Variants in MED13L observed in about 807,000 individuals in gnomAD.
MED13L encodes the protein mediator of RNA polymerase II transcription subunit 13-like.
MED13L carries 7 observed loss-of-function variants against 220.9 expected under a neutral mutation model. That is an observed-to-expected ratio of 0.03 (90% CI 0.02 to 0.06). The LOEUF is 0.06. MED13L is among the 10% of genes least tolerant of loss of function. The pLI is 1.00. For synonymous variants in MED13L, 1,011 were observed against 1,015.2 expected (o/e 1.00, Z 0.08); for missense variants, 1,965 against 2,760.5 (o/e 0.71, Z 6.46).
chr12:116,004,678 C>T (rs923197572), intron 13 of MED13L, among the ~76,000 whole-genome samples: 1 of 147,864 alleles, frequency 6.8e-6, no homozygotes, highest in Non-Finnish European at 1.5e-5. Context: ...GCTCATTCCA[C>T]ACTTAAACTA....
At chr12:116,226,371 G>A (rs971316494) in intron 2 of MED13L, among the ~76,000 whole-genome samples, 2 of 152,042 alleles carry the variant, frequency 1.3e-5, no homozygotes. Flanking sequence ...TATCAACGTC[G>A]GGTTTATAAC....
At chr12:116,024,898 T>C (rs1416438852) in intron 4 of MED13L, among the ~76,000 whole-genome samples, 1 of 152,032 alleles carries the variant, frequency 6.6e-6, no homozygotes, top group Non-Finnish European at 1.5e-5. Flanking sequence ...TCCTCTAGTA[T>C]GTGCTCTTGG....
intron 2 of MED13L, among the ~76,000 whole-genome samples, chr12:116,170,226 A>G (rs1406870683): frequency 6.6e-6 from 1 of 152,212 alleles, no homozygotes; most frequent in Admixed American, 6.5e-5. Flanking sequence ...TCTCAGCAGA[A>G]AGATCTTTAA....
At chr12:116,020,170 G>C (rs1485267741) in intron 5 of MED13L, among the ~76,000 whole-genome samples, 198 bp from the exon 6 acceptor site, 1 of 152,068 alleles carries the variant, frequency 6.6e-6, no homozygotes, top group Non-Finnish European at 1.5e-5. Flanking sequence ...TCACTATGTT[G>C]CTCAGGCTGG....
intron 4 of MED13L, among the ~76,000 whole-genome samples, chr12:116,085,236 T>C (rs1007637724): frequency 1.6e-4 from 25 of 152,168 alleles, no homozygotes; most frequent in African/African-American, 6.0e-4. Flanking sequence ...CCAACAGTAC[T>C]GTAGGCTTTC....
chr12:116,009,497 A>G (rs1879263132), intron 9 of MED13L, among the ~76,000 whole-genome samples: 1 of 152,188 alleles, frequency 6.6e-6, no homozygotes, highest in Non-Finnish European at 1.5e-5. Flanking sequence ...CCAAGAAACA[A>G]CAAAGCTTCC....
chr12:115,978,284 G>A (rs1592908226), intron 23 of MED13L, among the ~76,000 whole-genome samples: 1 of 151,188 alleles, frequency 6.6e-6, no homozygotes, highest in South Asian at 2.1e-4. Flanking sequence ...CTGTACAACT[G>A]TGTGGAAATA....
rs751308796 is a variant in MED13L, at chr12:115,970,581, G to A, written c.6067+13C>T. On this transcript the variant is annotated intron_variant, in intron 27 of 30. Transcript: ENST00000281928. ...ATGAAGGTGAGCACTATCCATACAG[G>A]TCTTCTACTCACCATTGTTGGGGCT... The A allele has an allele frequency of 5.6e-6, 9 of 1,612,854 alleles. No homozygotes were observed. Among genetic ancestry groups the A allele is most frequent in the Non-Finnish European group, 7.6e-6 (9 of 1,179,072 alleles).
chr12:116,164,203 T>G (rs534123157), intron 2 of MED13L, among the ~76,000 whole-genome samples: 5 of 152,144 alleles, frequency 3.3e-5, no homozygotes, highest in Non-Finnish European at 5.9e-5. Flanking sequence ...CCAAGACACA[T>G]GAAAGTGCAT....
At chr12:116,241,344 A>AC (rs1298094868) in intron 1 of MED13L, among the ~76,000 whole-genome samples, 4 of 146,476 alleles carry the variant, frequency 2.7e-5, no homozygotes, top group Middle Eastern at 3.2e-3. Flanking sequence ...AAAAAAAAAC[A>AC]CACACACACA....
chr12:116,007,114 T>C (rs1478726131), intron 11 of MED13L: 5 of 413,140 alleles, frequency 1.2e-5, no homozygotes, highest in Admixed American at 3.5e-5. Context: ...TTAAAAGAAA[T>C]AGGGAGCATA....
At chr12:116,248,950 T>C (rs1036795439) in intron 1 of MED13L, among the ~76,000 whole-genome samples, 4 of 152,228 alleles carry the variant, frequency 2.6e-5, no homozygotes, top group African/African-American at 7.2e-5. Context: ...AGAGAAGGCA[T>C]ACAAATGAGG....
intron 8 of MED13L, among the ~76,000 whole-genome samples, chr12:116,014,578 A>G (rs1180130750): frequency 6.6e-6 from 1 of 152,220 alleles, no homozygotes; most frequent in Non-Finnish European, 1.5e-5. Context: ...GAAAGGAAGG[A>G]AAGTTAGGTC....
intron 3 of MED13L, among the ~76,000 whole-genome samples, chr12:116,097,463 T>C (rs1342683237): frequency 6.6e-6 from 1 of 152,144 alleles, no homozygotes; most frequent in African/African-American, 2.4e-5. Context: ...CAAGTTTTAA[T>C]GCTGGCTTTT....
chr12:116,026,309 A>C (rs1208313958), intron 4 of MED13L, among the ~76,000 whole-genome samples: 1 of 152,246 alleles, frequency 6.6e-6, no homozygotes, highest in Non-Finnish European at 1.5e-5. Flanking sequence ...ACAGTTGAGA[A>C]GCATAAATAA....
intron 5 of MED13L, among the ~76,000 whole-genome samples, chr12:116,020,297 TAAACG>T (rs1273313192): frequency 7.5e-6 from 1 of 134,138 alleles, no homozygotes; most frequent in Non-Finnish European, 1.8e-5. Flanking sequence ...CCACAATTTT[TAAACG>T]AAATAAAATA....
At position 116,038,696 on chromosome 12, in the gene MED13L, A is replaced by C. The variant is rs756685573; in HGVS notation, c.480-16095T>G. ...TGGAAGTTCCAACATGCTGCCCTTCATCAGGTCAACAGCAGCAAGCAGGAC... is the reference window on the plus strand; with the variant it reads ...TGGAAGTTCCAACATGCTGCCCTTCCTCAGGTCAACAGCAGCAAGCAGGAC... On this transcript the variant is annotated intron_variant, in intron 4 of 30. Transcript: ENST00000281928. Among the ~76,000 whole-genome samples, 193 of 140,770 alleles carry C rather than the reference A, an allele frequency of 1.4e-3. 1 individual carries two copies. The highest frequency in any genetic ancestry group is 2.2e-3 in the Non-Finnish European group (147 of 66,306). The allele number at this position is 140,770 out of a possible 152,430, so 92.4% of individuals were successfully genotyped here. A position where few individuals can be genotyped will look rare whatever the true frequency, so the allele number is the denominator to read the frequency against.
chr12:116,086,625 T>C (rs1334533435), intron 4 of MED13L, among the ~76,000 whole-genome samples: 1 of 152,130 alleles, frequency 6.6e-6, no homozygotes, highest in Non-Finnish European at 1.5e-5. Context: ...TATACTTCAA[T>C]CTTATACAAC....
chr12:116,115,451 A>C (rs549114079), intron 2 of MED13L, among the ~76,000 whole-genome samples: 4 of 152,286 alleles, frequency 2.6e-5, no homozygotes, highest in African/African-American at 9.6e-5. Context: ...GATTTCTTAG[A>C]TATGACACCA....
Sources: gnomAD v4.1 joint callset for allele counts (sites outside exome capture counted in the v4.1 genomes callset) on GRCh38, gnomAD v4.1.1 for gene constraint, MANE v1.5 for transcripts, NCBI Gene and HGNC (gene_info 2026-07-23, HGNC 2026-07-21) for gene names.